Variants in FRMD8 observed in about 807,000 individuals in gnomAD.
The protein encoded by FRMD8 is FERM domain containing 8, also known as FERM domain-containing protein 8.
FRMD8 carries 37 observed loss-of-function variants against 54.2 expected under a neutral mutation model. The observed-to-expected ratio is 0.68, with a 90% confidence interval of 0.53 to 0.90. The LOEUF (loss-of-function observed/expected upper bound fraction) is 0.90, where lower values mean the gene tolerates loss of function less well. Ranked by LOEUF, FRMD8 falls within the 40% of genes least tolerant of loss-of-function variation. FRMD8 has a pLI of 0.00. For missense variants in FRMD8, 585 were observed against 653.7 expected, an observed-to-expected ratio of 0.89 and a Z score of 1.15; for synonymous variants, 246 against 286.9, an observed-to-expected ratio of 0.86 and a Z score of 1.44.
chr11:65,407,889 A>AC (rs1383875481), intron 10 of FRMD8, among the ~76,000 whole-genome samples: 60 of 151,248 alleles, frequency 4.0e-4, no homozygotes, highest in East Asian at 3.9e-4. Context: ...GTCTCAAAAA[A>AC]AAAAAAAAAA....
upstream of FRMD8, among the ~76,000 whole-genome samples, chr11:65,385,998 G>A (rs1316318794): frequency 6.6e-6 from 1 of 152,024 alleles, no homozygotes; most frequent in Non-Finnish European, 1.5e-5. Flanking sequence ...GGGTTTCATC[G>A]TGTTAGCCAG....
Position 65,396,840 on chromosome 11 carries a change from G to A in FRMD8, c.623G>A (p.Arg208Gln), listed in dbSNP as rs764093593. 9.6e-6 allele frequency: 15 copies of A among 1,562,252 alleles called. No homozygotes were observed. The highest frequency in any genetic ancestry group is 7.3e-5 in the East Asian group (3 of 40,982). Residue 208 changes from arginine (R) to glutamine (Q), a missense_variant, in exon 7 of 11, where the codon CGG becomes CAG. Arg to Gln is a conservative substitution (Grantham distance 43). Transcript: ENST00000317568. Reference protein sequence around the residue: ...DSFLPAHLCKRGQSLFAALRG... With the variant: ...DSFLPAHLCKQGQSLFAALRG... ...TTCCTCCCTGCCCACCTCTGTAAGC[G>A]GGGCCAGAGTCTCTTTGCTGCCCTC... is the stretch of plus-strand genomic sequence containing the variant.
At position 65,406,940 on chromosome 11, in the gene FRMD8, CAAAT is replaced by C. The variant is rs201370165; in HGVS notation, c.1276+1895_1276+1898del. 2.9e-3 allele frequency among the ~76,000 whole-genome samples: 440 copies of C among 151,470 alleles called. 4 individuals are homozygous for C. The East Asian group carries it at 0.035, about 12-fold the overall frequency. Reference sequence around the variant, plus strand: ...GGGCAACAAGAACGAAACTCCGTCTCAAATAAATAAATAAATAAATAAATAATAA... The same window carrying C: ...GGGCAACAAGAACGAAACTCCGTCTCAAATAAATAAATAAATAAATAATAA... On this transcript the variant is annotated intron_variant, in intron 10 of 10. Transcript: ENST00000317568.
At position 65,404,826 on chromosome 11, in the gene FRMD8, G is replaced by T; in HGVS notation, c.1072-38G>T. On this transcript the variant is annotated intron_variant, in intron 9 of 10. Coordinates refer to ENST00000317568, the MANE Select transcript of FRMD8 (RefSeq NM_031904.5). The surrounding 1 kb of genome is among the most constrained non-coding windows in gnomAD (Gnocchi z 4.7). ...AGGCTCAGCAACAGGCATGGAAGGG[G>T]GCCCTGGCCAGGCCTCACACTGCCC... The T allele has an allele frequency of 6.4e-7, 1 of 1,554,920 alleles. No homozygotes were observed. Among genetic ancestry groups the T allele is most frequent in the African/African-American group, 1.4e-5 (1 of 73,934 alleles).
At chr11:65,387,224 C>T in intron 2 of FRMD8, 103 bp downstream of exon 2, 2 of 973,364 alleles carry the variant, frequency 2.1e-6, no homozygotes, top group South Asian at 1.3e-5. Context: ...ATTTATGTAT[C>T]GACTAAGAAA....
chr11:65,396,919 C>A lies in FRMD8; in HGVS notation c.702C>A (p.Tyr234Ter). ...GCGAGCAGGGCCTGCTGAACGCCTA[C>A]CGCCAGGTGCAGGAGGTCAGCAGCG... Reference protein sequence around the residue: ...GPGEQGLLNAYRQVQEVSSDG... With the variant: ...GPGEQGLLNA Residue 234 changes from tyrosine to a stop codon, truncating the protein, a stop_gained, in exon 7 of 11, where the codon TAC becomes TAA. Transcript: ENST00000317568. LOFTEE classifies it high-confidence loss of function. 2 of 1,552,398 alleles carry A rather than the reference C, an allele frequency of 1.3e-6. No individual in the cohort carries two copies. The highest frequency in any genetic ancestry group is 1.7e-6 in the Non-Finnish European group (2 of 1,148,188).
intron 10 of FRMD8, among the ~76,000 whole-genome samples, chr11:65,410,041 C>A (rs1319011408): frequency 6.6e-6 from 1 of 151,636 alleles, no homozygotes; most frequent in Non-Finnish European, 1.5e-5. Flanking sequence ...ACACTGCACT[C>A]CAGCCTGAGC....
intron 9 of FRMD8, among the ~76,000 whole-genome samples, chr11:65,402,043 CGTTT>C (rs778960811): frequency 2.6e-5 from 4 of 151,880 alleles, no homozygotes; most frequent in Non-Finnish European, 5.9e-5. Flanking sequence ...GTTTCGGTGT[CGTTT>C]GTTGAAAAGA....
chr11:65,368,480 G>A, the FRMD8 span, among the ~76,000 whole-genome samples: 1 of 152,134 alleles, frequency 6.6e-6, no homozygotes, highest in Non-Finnish European at 1.5e-5. Context: ...CAAAGTGCTG[G>A]GATCACAGGT....
Position 65,387,133 on chromosome 11 carries a change from C to T in FRMD8, c.85+12C>T, listed in dbSNP as rs1164053755. ...CGTGGGAGCCCGAGGTGGGTCCCAC[C>T]CGCATCTCCTCTTCCACACCCTCCT... On this transcript the variant is annotated intron_variant, in intron 2 of 10. Transcript: ENST00000317568. 2 of 1,600,346 alleles carry T rather than the reference C, an allele frequency of 1.2e-6. No individual in the cohort carries two copies. The highest frequency in any genetic ancestry group is 4.5e-5 in the East Asian group (2 of 44,862).
In FRMD8 at chr11:65,400,889, C is replaced by T. The variant is rs199951406; in HGVS notation, c.1071+22C>T. On this transcript the variant is annotated intron_variant, in intron 9 of 10. Transcript: ENST00000317568. The surrounding 1 kb of genome is among the most constrained non-coding windows in gnomAD (Gnocchi z 4.3). The stretch of plus-strand genomic sequence containing the variant: ...GCAGGTAGCGCGGGTGGTGCCTGCA[C>T]ACGGGTGGGGAGGCTGGGCCCAGGT... 56 of 1,579,114 alleles carry T rather than the reference C, an allele frequency of 3.5e-5. No individual in the cohort carries two copies. The highest frequency in any genetic ancestry group is 9.5e-6 in the Non-Finnish European group (11 of 1,161,248).
chr11:65,389,431 C>T lies in FRMD8; in HGVS notation c.156C>T (p.Leu52=), dbSNP rs752130559. ...TGGCTGTGGAGAACCTGCCCTCGCT[C>T]AGTGCCCATGAGCTGCACCGCGCTG... ...VPLAVENLPS[L]SAHELHRAVR... is the part of the protein sequence containing the mutation. Residue 52 remains leucine, a synonymous_variant, in exon 3 of 11, where the codon CTC becomes CTT. Coordinates refer to ENST00000317568, the MANE Select transcript of FRMD8 (RefSeq NM_031904.5). 5 of 1,610,504 alleles carry T rather than the reference C, an allele frequency of 3.1e-6. No individual in the cohort carries two copies. The highest frequency in any genetic ancestry group is 1.1e-5 in the South Asian group (1 of 91,088).
chr11:65,373,801 T>C, the FRMD8 span, among the ~76,000 whole-genome samples: 1 of 152,140 alleles, frequency 6.6e-6, no homozygotes, highest in Non-Finnish European at 1.5e-5. Flanking sequence ...TTGCCCAGGC[T>C]GGTCTTGAAC....
chr11:65,370,701 A>G, the FRMD8 span, among the ~76,000 whole-genome samples: 2 of 148,778 alleles, frequency 1.3e-5, no homozygotes, highest in Non-Finnish European at 3.0e-5. Context: ...CTCTGTCTCA[A>G]AAAAAAAAAA....
rs1178968934 is a variant in FRMD8, at chr11:65,396,898, G to A, written c.681G>A (p.Glu227=). 2.6e-6 allele frequency: 4 copies of A among 1,557,342 alleles called. No homozygotes were observed. Among genetic ancestry groups the A allele is most frequent in the Non-Finnish European group, 2.6e-6 (3 of 1,151,396 alleles). ...RGRGARAGPG[E]QGLLNAYRQV... is the part of the protein sequence containing the mutation. The stretch of plus-strand genomic sequence containing the variant: ...GTGGGGCCAGGGCCGGGCCGGGCGA[G>A]CAGGGCCTGCTGAACGCCTACCGCC... Residue 227 remains glutamate (E), a synonymous_variant, in exon 7 of 11, where the codon GAG becomes GAA. Coordinates refer to ENST00000317568, the MANE Select transcript of FRMD8 (RefSeq NM_031904.5).
At chr11:65,382,211 G>T, upstream of FRMD8, 1 of 546,770 alleles carries the variant, frequency 1.8e-6, no homozygotes, top group African/African-American at 1.9e-5. The surrounding 1 kb of genome is among the most constrained non-coding windows in gnomAD (Gnocchi z 4.4). Context: ...CCTGATCCCC[G>T]AGCCCGGCCA....
At chr11:65,409,682 C>A (rs944438114) in intron 10 of FRMD8, among the ~76,000 whole-genome samples, 1 of 151,796 alleles carries the variant, frequency 6.6e-6, no homozygotes, top group African/African-American at 2.4e-5. Context: ...GGGAGGATCA[C>A]CTGAGCCCAG....
At chr11:65,391,483 TG>T (rs891456407) in intron 3 of FRMD8, among the ~76,000 whole-genome samples, 1 of 152,160 alleles carries the variant, frequency 6.6e-6, no homozygotes, top group Non-Finnish European at 1.5e-5. Context: ...GGGAAGACCC[TG>T]GTGGAACTTA....
the FRMD8 span, among the ~76,000 whole-genome samples, chr11:65,369,985 C>T: frequency 6.6e-6 from 1 of 151,240 alleles, no homozygotes; most frequent in Non-Finnish European, 1.5e-5. Flanking sequence ...GAGCCAAGAT[C>T]ACACCATTGC....
Sources: gnomAD v4.1 joint callset for allele counts (sites outside exome capture counted in the v4.1 genomes callset) on GRCh38, gnomAD v4.1.1 for gene constraint, Gnocchi (gnomAD v3.1) non-coding constraint, MANE v1.5 for transcripts, NCBI Gene and HGNC (gene_info 2026-07-23, HGNC 2026-07-21) for gene names.